TRIP12: variants seen among roughly 807,000 people sequenced by gnomAD.
TRIP12 encodes the protein E3 ubiquitin-protein ligase TRIP12.
In TRIP12, 25 loss-of-function variants were observed where a neutral mutation model predicts 244.2. That is an observed-to-expected ratio of 0.10 (90% CI 0.07 to 0.14). The LOEUF (loss-of-function observed/expected upper bound fraction) is 0.14. Among genes scored for constraint, TRIP12 ranks in the 10% least tolerant of loss-of-function variants. The pLI, the probability that TRIP12 is intolerant of heterozygous loss-of-function variation, is 1.00. For missense variants in TRIP12, 1,677 were observed against 2,486.4 expected (o/e 0.67, Z 6.92); for synonymous variants, 905 against 873.1 (o/e 1.04, Z -0.64).
chr2:229,867,408 C>G (rs1486143033), intron 2 of TRIP12, among the ~76,000 whole-genome samples: 5 of 152,036 alleles, frequency 3.3e-5, no homozygotes, highest in Non-Finnish European at 7.4e-5. Flanking sequence ...TCAAATGATC[C>G]TCCTGCCTCA....
chr2:229,894,501 T>TACAAACAGGCAGGCAGAGACTAGAA (rs2068227019), intron 1 of TRIP12: 3 of 152,118 alleles, frequency 2.0e-5, no homozygotes, highest in Non-Finnish European at 2.9e-5. Context: ...GGGATACACT[T>TACAAACAGGCAGGCAGAGACTAGAA]TCATGATGAA....
intron 8 of TRIP12, among the ~76,000 whole-genome samples, chr2:229,827,622 G>A (rs1231582334): frequency 6.6e-6 from 1 of 152,114 alleles, no homozygotes; most frequent in Non-Finnish European, 1.5e-5. Context: ...CAGGGGTGAT[G>A]ACAGGCATGA....
chr2:229,916,840 T>G (rs1329997978), intron 1 of TRIP12, among the ~76,000 whole-genome samples: 1 of 141,326 alleles, frequency 7.1e-6, no homozygotes, highest in Non-Finnish European at 1.5e-5. Context: ...CCCAAGACAT[T>G]AGCAGAGTTA....
intron 2 of TRIP12, among the ~76,000 whole-genome samples, chr2:229,867,608 T>C (rs1236362503): frequency 6.6e-6 from 1 of 152,216 alleles, no homozygotes; most frequent in Non-Finnish European, 1.5e-5. Context: ...ATAAAAAAGC[T>C]TGCAGTTAGT....
intron 1 of TRIP12, among the ~76,000 whole-genome samples, chr2:229,907,256 A>T (rs2073105408): frequency 6.6e-6 from 1 of 152,244 alleles, no homozygotes; most frequent in Non-Finnish European, 1.5e-5. Context: ...TGTGCTAGGT[A>T]AGAACTTCAT....
chr2:229,834,042 C>T (rs193208824), intron 6 of TRIP12, among the ~76,000 whole-genome samples: 257 of 152,262 alleles, frequency 1.7e-3, no homozygotes, highest in African/African-American at 5.8e-3. Context: ...AGATTTGTTC[C>T]CAGAGTCAAA....
At chr2:229,834,660 T>A (rs1247586696) in intron 6 of TRIP12, among the ~76,000 whole-genome samples, 1 of 151,930 alleles carries the variant, frequency 6.6e-6, no homozygotes, top group African/African-American at 2.4e-5. Context: ...CTTAGGAGGC[T>A]GAGGCAAGAG....
chr2:229,777,308 A>C lies in TRIP12; in HGVS notation c.5529+7T>G. On this transcript the variant is annotated splice_region_variant and intron_variant, in intron 37 of 41. Transcript: ENST00000675903. ...TTGATCTACTGGACTGTTTCTTCTA[A>C]GCCTACCTGGGATTTATCTTGTTCA... The C allele has an allele frequency of 9.3e-6, 15 of 1,612,224 alleles. No individual in the cohort carries two copies. The highest frequency in any genetic ancestry group is 1.2e-5 in the Non-Finnish European group (14 of 1,178,644).
intron 37 of TRIP12, 25 bp downstream of exon 37, chr2:229,777,290 A>C: frequency 6.2e-7 from 1 of 1,606,838 alleles, no homozygotes; most frequent in South Asian, 1.1e-5. Context: ...GACTTGATCT[A>C]CTGGACTGTT....
Position 229,906,942 on chromosome 2 carries a change from G to A in TRIP12, c.-50+14938C>T, listed in dbSNP as rs550171335. Among the ~76,000 whole-genome samples, 3 of 152,212 alleles carry A rather than the reference G, an allele frequency of 2.0e-5. No individual in the cohort carries two copies. In the East Asian group the frequency reaches 5.8e-4, roughly 29 times the overall value. On this transcript the variant is annotated intron_variant, in intron 1 of 41. Coordinates refer to ENST00000675903, the MANE Select transcript of TRIP12 (RefSeq NM_001348323.3). ...ATTTGAAACTGTAAGTAGTCAAAGA[G>A]ACTATAATTAGCAGTGATAAAACAC...
intron 23 of TRIP12, 69 bp downstream of exon 23, chr2:229,798,806 C>T: frequency 6.5e-7 from 1 of 1,535,472 alleles, no homozygotes; most frequent in Non-Finnish European, 8.9e-7. Context: ...AATAAACGTA[C>T]TGGCTGAAAT....
rs1361761968 is a variant in TRIP12 at position 229,843,438 on chromosome 2, A to T, written c.1028-2511T>A. On this transcript the variant is annotated intron_variant, in intron 4 of 41. Transcript: ENST00000675903. The stretch of plus-strand genomic sequence containing the variant: ...GTATCTATAAAACAAACAAACAAAC[A>T]AAAACAGGCTGAGCATGGTGGCTCA... Among the ~76,000 whole-genome samples the T allele has an allele frequency of 2.0e-5, 3 of 152,330 alleles. No individual in the cohort carries two copies. The East Asian group carries it at 5.8e-4, about 29-fold the overall frequency.
At chr2:229,922,905 G>A (rs2076803679), upstream of TRIP12, among the ~76,000 whole-genome samples, 1 of 152,226 alleles carries the variant, frequency 6.6e-6, no homozygotes, top group Non-Finnish European at 1.5e-5. Context: ...TCCGCGCGAA[G>A]AGGAAAACGG....
intron 1 of TRIP12, among the ~76,000 whole-genome samples, chr2:229,909,624 CAGG>C (rs1197424016): frequency 6.7e-6 from 1 of 148,430 alleles, no homozygotes; most frequent in Non-Finnish European, 1.5e-5. Context: ...AAGGCTGAGG[CAGG>C]AGGACTGCAT....
At chr2:229,779,631 C>A (rs911016962) in intron 34 of TRIP12, among the ~76,000 whole-genome samples, 2 of 152,104 alleles carry the variant, frequency 1.3e-5, no homozygotes, top group Non-Finnish European at 2.9e-5. Context: ...AAAGGACTAA[C>A]GGCCTCATAC....
intron 41 of TRIP12, among the ~76,000 whole-genome samples, chr2:229,768,146 GC>G (rs1252307017): frequency 6.6e-6 from 1 of 152,158 alleles, no homozygotes; most frequent in African/African-American, 2.4e-5. Flanking sequence ...TGTAGTCCCA[GC>G]TACACAGGAG....
At position 229,805,830 on chromosome 2, in the gene TRIP12, A is replaced by G; in HGVS notation, c.2550T>C (p.Val850=). The change falls in exon 18 of 42, where the codon GTT becomes GTC. Residue 850 remains valine (V), a synonymous_variant. Transcript: ENST00000675903. ...DEISLSTLGR[V]YTIDFNSMQQ... is the part of the protein sequence containing the mutation. ...GCATAGAATTAAAATCAATAGTATAAACTCGTCCCAGAGTGGACAAGCTTA... is the reference window on the plus strand; with the variant it reads ...GCATAGAATTAAAATCAATAGTATAGACTCGTCCCAGAGTGGACAAGCTTA... The G allele has an allele frequency of 3.7e-6, 6 of 1,608,758 alleles. No homozygotes were observed. Among genetic ancestry groups the G allele is most frequent in the Non-Finnish European group, 5.1e-6 (6 of 1,175,866 alleles).
At chr2:229,782,755 A>G (rs940247961) in intron 34 of TRIP12, among the ~76,000 whole-genome samples, 1 of 152,206 alleles carries the variant, frequency 6.6e-6, no homozygotes, top group Non-Finnish European at 1.5e-5. Flanking sequence ...ATCACACACT[A>G]AACTGCTAAA....
intron 24 of TRIP12, among the ~76,000 whole-genome samples, 166 bp from the exon 25 acceptor site, chr2:229,796,948 AC>A (rs2042966907): frequency 2.7e-5 from 1 of 37,494 alleles, no homozygotes; most frequent in South Asian, 5.4e-4. Flanking sequence ...GATTTTAAAC[AC>A]ACACACACAC....
Sources: gnomAD v4.1 joint callset for allele counts (sites outside exome capture counted in the v4.1 genomes callset) on GRCh38, gnomAD v4.1.1 for gene constraint, MANE v1.5 for transcripts, NCBI Gene and HGNC (gene_info 2026-07-23, HGNC 2026-07-21) for gene names.